The following EXD3 variants were observed in gnomAD, a reference collection of about 807,000 sequenced individuals.
The protein encoded by EXD3 is exonuclease mut-7 homolog.
Under a neutral mutation model 98.0 loss-of-function variants are expected in EXD3, and 92 were observed. The ratio of observed to expected loss-of-function variants is 0.94; its 90% CI spans 0.79 to 1.12. The LOEUF is 1.12. Among genes scored for constraint, EXD3 ranks in the 50% most tolerant of loss-of-function variants. The probability of loss-of-function intolerance (pLI) is 0.00; values close to 1 mark genes in which losing one functional copy is unlikely to be tolerated. For missense variants in EXD3, 1,222 were observed against 1,191.6 expected (o/e 1.03, Z -0.38); for synonymous variants, 569 against 526.0 (o/e 1.08, Z -1.12).
At chr9:137,417,640 C>G (rs1838300198) in intron 1 of EXD3, among the ~76,000 whole-genome samples, 1 of 152,164 alleles carries the variant, frequency 6.6e-6, no homozygotes, top group African/African-American at 2.4e-5. Context: ...GAGGAACGGC[C>G]GAGCGGAGGA....
At chr9:137,398,725 A>G (rs77617692) in intron 1 of EXD3, among the ~76,000 whole-genome samples, 7,664 of 87,556 alleles carry the variant, frequency 0.088, 712 homozygotes, top group Middle Eastern at 0.14. Flanking sequence ...CCGCATCCCC[A>G]AGACACACAG....
intron 19 of EXD3, among the ~76,000 whole-genome samples, chr9:137,315,551 C>T (rs1363248824): frequency 6.6e-6 from 1 of 152,132 alleles, no homozygotes; most frequent in Non-Finnish European, 1.5e-5. Flanking sequence ...GCCACAGGGC[C>T]TGGGCAGGAG....
chr9:137,381,490 C>G (rs1037007690), intron 3 of EXD3, among the ~76,000 whole-genome samples: 5 of 151,608 alleles, frequency 3.3e-5, no homozygotes, highest in Non-Finnish European at 7.4e-5. Flanking sequence ...GGGAAGGGCC[C>G]AATGAACCAG....
At chr9:137,408,784 A>G (rs919265113) in intron 1 of EXD3, among the ~76,000 whole-genome samples, 9 of 152,152 alleles carry the variant, frequency 5.9e-5, no homozygotes, top group Non-Finnish European at 1.2e-4. Context: ...ATCGGAATGG[A>G]CAGACCCACC....
chr9:137,349,888 A>G lies in EXD3; in HGVS notation c.1495-357T>C, dbSNP rs1461373253. Among the ~76,000 whole-genome samples the G allele has an allele frequency of 6.6e-6, 1 of 151,988 alleles. No homozygotes were observed. The highest frequency in any genetic ancestry group is 2.4e-5 in the African/African-American group (1 of 41,344). ...GGAGCACTGGGTGTGCCGTGCATAA[A>G]ACAGCAGAAACGCAGACAAAATGCA... On this transcript the variant is annotated intron_variant, in intron 14 of 21. Transcript: ENST00000340951. The surrounding 1 kb of genome is among the most constrained non-coding windows in gnomAD (Gnocchi z 7.4).
intron 2 of EXD3, among the ~76,000 whole-genome samples, chr9:137,388,664 G>A (rs1488827637): frequency 2.0e-5 from 3 of 152,130 alleles, no homozygotes; most frequent in African/African-American, 4.8e-5. Flanking sequence ...GGGGACACCC[G>A]GCCTCCAGGC....
Position 137,356,298 on chromosome 9 carries a change from G to T in EXD3, c.727C>A (p.Arg243Ser). Residue 243 changes from arginine to serine, a missense_variant, in exon 8 of 22, where the codon CGT (arginine) becomes AGT (serine). Physicochemically the swap from Arg to Ser is moderately radical, Grantham distance 110 (BLOSUM62 -1). Transcript: ENST00000340951. ...SPKALSRQVL[R>S]LQERYGVAPA... ...GCTACGCCGTACCGCTCCTGCAGAC[G>T]CAAGACCTGCCTGCTCAGCGCCTTC... 7 of 1,603,822 alleles carry T rather than the reference G, an allele frequency of 4.4e-6. No homozygotes were observed. The highest frequency in any genetic ancestry group is 6.0e-6 in the Non-Finnish European group (7 of 1,175,856).
intron 1 of EXD3, among the ~76,000 whole-genome samples, chr9:137,421,879 T>C (rs1403167869): frequency 2.6e-5 from 4 of 152,190 alleles, no homozygotes; most frequent in African/African-American, 9.6e-5. Context: ...ACATGGATTT[T>C]AGTTTCTTCA....
chr9:137,357,884 G>A (rs897609612), intron 7 of EXD3, among the ~76,000 whole-genome samples: 2 of 151,954 alleles, frequency 1.3e-5, no homozygotes, highest in East Asian at 1.9e-4. Flanking sequence ...ATGTTCGAGG[G>A]CAGGAGACGT....
Position 137,403,268 on chromosome 9 carries a change from G to C in EXD3, c.-47-7864C>G, listed in dbSNP as rs1421962810. On this transcript the variant is annotated intron_variant, in intron 1 of 21. Transcript: ENST00000340951. The surrounding 1 kb of genome is among the most constrained non-coding windows in gnomAD (Gnocchi z 6.1). Reference sequence around the variant, plus strand: ...AGTGGGGCCCCACTGTGAGTGACCTGAGGGGCCCCAGAAGATGCAGACCCG... The same window carrying C: ...AGTGGGGCCCCACTGTGAGTGACCTCAGGGGCCCCAGAAGATGCAGACCCG... Among the ~76,000 whole-genome samples the C allele has an allele frequency of 6.6e-6, 1 of 151,920 alleles. No homozygotes were observed. The highest frequency in any genetic ancestry group is 6.6e-5 in the Admixed American group (1 of 15,244).
At chr9:137,374,209 C>T (rs748027940) in intron 3 of EXD3, among the ~76,000 whole-genome samples, 4 of 152,260 alleles carry the variant, frequency 2.6e-5, no homozygotes, top group African/African-American at 4.8e-5. Context: ...CAAGCCATAA[C>T]GACTGCTTGC....
intron 3 of EXD3, chr9:137,374,978 A>C (rs1835821201): frequency 2.2e-6 from 1 of 453,470 alleles, no homozygotes; most frequent in South Asian, 9.4e-5. Context: ...TTCCAGCTCT[A>C]GTAAGTTGTA....
chr9:137,372,255 G>A (rs1432723913), intron 5 of EXD3, among the ~76,000 whole-genome samples: 1 of 152,206 alleles, frequency 6.6e-6, no homozygotes, highest in African/African-American at 2.4e-5. Context: ...TCGCACCTGG[G>A]CGACTGTGCC....
At chr9:137,354,656 A>T in intron 9 of EXD3, 44 bp downstream of exon 9, 1 of 1,606,236 alleles carries the variant, frequency 6.2e-7, no homozygotes, top group Non-Finnish European at 8.5e-7. Context: ...TCTGTGGCTC[A>T]GGCCGCGGCT....
intron 17 of EXD3, among the ~76,000 whole-genome samples, chr9:137,330,099 CCACAGGAGCTACACAGGAGCTA>C (rs760575220): frequency 0.047 from 4,343 of 92,004 alleles, 250 homozygotes; most frequent in Non-Finnish European, 0.07. Context: ...ACACAGGGCT[CCACAGGAGCTACACAGGAGCTA>C]CACAGGAGCT....
At chr9:137,379,669 G>A (rs989849245) in intron 3 of EXD3, among the ~76,000 whole-genome samples, 3 of 151,934 alleles carry the variant, frequency 2.0e-5, no homozygotes, top group Non-Finnish European at 2.9e-5. Flanking sequence ...ATTGTGAAAC[G>A]GCTGGTTTTA....
At position 137,403,752 on chromosome 9, in the gene EXD3, G is replaced by C. The variant is rs967102680; in HGVS notation, c.-47-8348C>G. On this transcript the variant is annotated intron_variant, in intron 1 of 21. Coordinates refer to ENST00000340951, the MANE Select transcript of EXD3 (RefSeq NM_017820.5). This position sits in a 1 kb window ranked among gnomAD's most constrained non-coding sequence, Gnocchi z 6.1. ...CAGAGCCCACCGCCAGCTTCCAAGG[G>C]CTCCAGAAAGTGGTCGCTGCCCTTC... 1.1e-4 allele frequency among the ~76,000 whole-genome samples: 16 copies of C among 152,238 alleles called. No individual in the cohort carries two copies. Among genetic ancestry groups the C allele is most frequent in the African/African-American group, 3.9e-4 (16 of 41,542 alleles).
intron 10 of EXD3, chr9:137,353,179 C>T: frequency 3.0e-6 from 3 of 983,798 alleles, no homozygotes; most frequent in Non-Finnish European, 3.6e-6. Flanking sequence ...ACCTTCCTGG[C>T]CTCCAAGCCT....
Position 137,309,717 on chromosome 9 carries a change from G to A in EXD3, c.2185-17C>T. On this transcript the variant is annotated splice_polypyrimidine_tract_variant and intron_variant, in intron 19 of 21. Transcript: ENST00000340951. ...GTTACAGGCCTGGGGGCCAGAGGGG[G>A]TGCTGAGGCCCAGGCGGGGCTTCTC... 1 of 1,545,286 alleles carries A rather than the reference G, an allele frequency of 6.5e-7. No individual in the cohort carries two copies. The highest frequency in any genetic ancestry group is 1.2e-5 in the South Asian group (1 of 84,018).
Sources: gnomAD v4.1 joint callset for allele counts (sites outside exome capture counted in the v4.1 genomes callset) on GRCh38, gnomAD v4.1.1 for gene constraint, Gnocchi (gnomAD v3.1) non-coding constraint, MANE v1.5 for transcripts, NCBI Gene and HGNC (gene_info 2026-07-23, HGNC 2026-07-21) for gene names.